Variants in INO80C observed in about 807,000 individuals in gnomAD.
The protein encoded by INO80C is INO80 complex subunit C, also known as IES6 homolog.
A neutral mutation model predicts 17.7 loss-of-function variants in INO80C; 17 were observed. That is an observed-to-expected ratio of 0.96 (90% CI 0.66 to 1.44). INO80C has a LOEUF of 1.44. Ranked by LOEUF, INO80C falls within the 40% of genes most tolerant of loss-of-function variation. INO80C has a pLI of 0.00. For missense variants in INO80C, 244 were observed against 245.0 expected, an observed-to-expected ratio of 1.00 and a Z score of 0.03; for synonymous variants, 96 against 95.8, an observed-to-expected ratio of 1.00 and a Z score of -0.01.
rs577311073 is a variant in INO80C, at chr18:35,491,874, C to G, written c.156+5845G>C. 2.0e-5 allele frequency among the ~76,000 whole-genome samples: 3 copies of G among 152,296 alleles called. No homozygotes were observed. The East Asian group carries it at 5.8e-4, about 29-fold the overall frequency. ...AGGAACGCCTAGCACTAAGGGGCGC[C>G]CCCTCTTTGCAGCACTAACAGAGCT... is the stretch of plus-strand genomic sequence containing the variant. On this transcript the variant is annotated intron_variant, in intron 1 of 4. Coordinates refer to ENST00000334598, the MANE Select transcript of INO80C (RefSeq NM_194281.4).
intron 3 of INO80C, 170 bp downstream of exon 3, chr18:35,479,130 C>T: frequency 1.8e-6 from 1 of 565,120 alleles, no homozygotes. Context: ...AATACAGATA[C>T]AGTTATGAGA....
intron 1 of INO80C, among the ~76,000 whole-genome samples, chr18:35,486,178 C>T (rs1303739495): frequency 1.3e-5 from 2 of 152,122 alleles, no homozygotes; most frequent in African/African-American, 4.8e-5. Flanking sequence ...ATTATTCAAT[C>T]ACAAAAAGAA....
chr18:35,488,164 T>C (rs1374487577), intron 1 of INO80C, among the ~76,000 whole-genome samples: 1 of 152,184 alleles, frequency 6.6e-6, no homozygotes, highest in Non-Finnish European at 1.5e-5. Context: ...TGCAAGCTGT[T>C]GGTGGATCTA....
At chr18:35,494,973 A>G (rs1436659817) in intron 1 of INO80C, among the ~76,000 whole-genome samples, 1 of 152,250 alleles carries the variant, frequency 6.6e-6, no homozygotes, top group Non-Finnish European at 1.5e-5. Flanking sequence ...AATTACTGCT[A>G]CATGAACTGA....
chr18:35,474,207 C>CTATATATATATATATATATATATATA (rs58465669), intron 4 of INO80C, among the ~76,000 whole-genome samples: 1 of 58,020 alleles, frequency 1.7e-5, no homozygotes. Context: ...GTGTGTGTGT[C>CTATATATATATATATATATATATATA]TATATATATA....
At chr18:35,497,206 A>T in intron 1 of INO80C, 1 of 318,242 alleles carries the variant, frequency 3.1e-6, no homozygotes, top group Non-Finnish European at 4.5e-6. Flanking sequence ...TCATAACCTT[A>T]ACAAGCCCAT....
At position 35,497,566 on chromosome 18, in the gene INO80C, G is replaced by A. The variant is rs545673218; in HGVS notation, c.156+153C>T. 4.2e-6 allele frequency: 6 copies of A among 1,420,572 alleles called. No homozygotes were observed. The South Asian group carries it at 7.5e-5, about 18-fold the overall frequency. 88.0% of individuals were successfully genotyped at this position (1,420,572 alleles called of 1,614,324 possible). On this transcript the variant is annotated intron_variant, in intron 1 of 4. Transcript: ENST00000334598. The stretch of plus-strand genomic sequence containing the variant: ...GCCCATGTGTCCAAACGAAGGGAAA[G>A]AGTAGTCATTCACTCCGCGGGGCAG...
intron 1 of INO80C, among the ~76,000 whole-genome samples, chr18:35,482,148 T>C (rs776067518): frequency 2.8e-4 from 42 of 152,162 alleles, no homozygotes; most frequent in Non-Finnish European, 5.4e-4. Flanking sequence ...TATGTTTAAC[T>C]TTACAAGTCA....
intron 1 of INO80C, chr18:35,497,185 C>T: frequency 4.6e-6 from 1 of 215,602 alleles, no homozygotes; most frequent in Non-Finnish European, 7.9e-6. Context: ...AGTGCCTTTA[C>T]ACTCATTACT....
At chr18:35,495,802 T>C (rs972321297) in intron 1 of INO80C, among the ~76,000 whole-genome samples, 1 of 152,130 alleles carries the variant, frequency 6.6e-6, no homozygotes, top group Non-Finnish European at 1.5e-5. Context: ...GATAATGTAA[T>C]GAACTTCTAC....
intron 4 of INO80C, among the ~76,000 whole-genome samples, chr18:35,475,900 AAAAGGTAACTGTCT>A (rs921826171): frequency 1.3e-5 from 2 of 152,180 alleles, no homozygotes; most frequent in African/African-American, 4.8e-5. Context: ...TTATTTCTCT[AAAAGGTAACTGTCT>A]AAAGCACAAA....
intron 1 of INO80C, chr18:35,497,447 G>C (rs557067310): frequency 8.1e-7 from 1 of 1,241,898 alleles, no homozygotes; most frequent in South Asian, 2.0e-5. Context: ...TGCTAAAGGC[G>C]ACCTCGAGGG....
intron 4 of INO80C, 99 bp from the exon 5 acceptor site, chr18:35,468,841 A>T (rs2045635821): frequency 9.4e-7 from 1 of 1,065,098 alleles, no homozygotes; most frequent in Admixed American, 2.1e-5. Context: ...TGAAAGTGAT[A>T]TATATTTTCA....
At chr18:35,478,695 T>C (rs1199945744) in intron 3 of INO80C, among the ~76,000 whole-genome samples, 1 of 152,138 alleles carries the variant, frequency 6.6e-6, no homozygotes. Flanking sequence ...AATAACTGGA[T>C]CTGAGCACCC....
chr18:35,497,405 G>T, intron 1 of INO80C: 1 of 1,115,232 alleles, frequency 9.0e-7, no homozygotes, highest in Non-Finnish European at 1.1e-6. Context: ...GCAAATTTCT[G>T]AATGACTGAC....
intron 1 of INO80C, among the ~76,000 whole-genome samples, chr18:35,492,007 C>G (rs1254268622): frequency 1.3e-5 from 2 of 152,166 alleles, no homozygotes; most frequent in Non-Finnish European, 2.9e-5. Flanking sequence ...TCTGCTCTGC[C>G]CAACTGAAGA....
chr18:35,488,313 GC>G (rs1308136794), intron 1 of INO80C, among the ~76,000 whole-genome samples: 9 of 152,192 alleles, frequency 5.9e-5, no homozygotes, highest in Non-Finnish European at 1.5e-5. Flanking sequence ...TAAGGGCCCT[GC>G]CCCTGCAGCA....
At chr18:35,486,866 T>C (rs549210034) in intron 1 of INO80C, among the ~76,000 whole-genome samples, 134 of 145,994 alleles carry the variant, frequency 9.2e-4, no homozygotes, top group Non-Finnish European at 1.6e-3. Flanking sequence ...TTGCTCACAA[T>C]AGGATTCTAA....
intron 1 of INO80C, among the ~76,000 whole-genome samples, chr18:35,494,620 G>T (rs552446470): frequency 6.6e-6 from 1 of 152,162 alleles, no homozygotes; most frequent in Non-Finnish European, 1.5e-5. Flanking sequence ...CAAAAGAACA[G>T]AATTCTGCCA....
Sources: gnomAD v4.1 joint callset for allele counts (sites outside exome capture counted in the v4.1 genomes callset) on GRCh38, gnomAD v4.1.1 for gene constraint, MANE v1.5 for transcripts, NCBI Gene and HGNC (gene_info 2026-07-23, HGNC 2026-07-21) for gene names.